Variants in CCDC60 observed in about 807,000 individuals in gnomAD.
CCDC60 encodes the protein coiled-coil domain containing 60.
In CCDC60, 54 loss-of-function variants were observed where a neutral mutation model predicts 63.5. The ratio of observed to expected loss-of-function variants is 0.85; its 90% CI spans 0.68 to 1.07. The LOEUF (loss-of-function observed/expected upper bound fraction) is 1.07, where lower values mean the gene tolerates loss of function less well. CCDC60 is among the 50% of genes least tolerant of loss of function. CCDC60 has a pLI of 0.00. For synonymous variants in CCDC60, 206 were observed against 238.8 expected, an observed-to-expected ratio of 0.86 and a Z score of 1.27; for missense variants, 651 against 684.3, an observed-to-expected ratio of 0.95 and a Z score of 0.54.
intron 1 of CCDC60, among the ~76,000 whole-genome samples, chr12:119,425,593 G>A (rs1233325298): frequency 6.6e-6 from 1 of 152,162 alleles, no homozygotes; most frequent in African/African-American, 2.4e-5. Context: ...GTTCAACAAG[G>A]CACCGTGGAA....
At chr12:119,534,721 T>C (rs1593230189) in intron 13 of CCDC60, among the ~76,000 whole-genome samples, 2 of 152,220 alleles carry the variant, frequency 1.3e-5, no homozygotes, top group Admixed American at 1.3e-4. Context: ...ATTACGTTTA[T>C]TGATTTGCAT....
At chr12:119,459,345 A>G (rs1305189441) in intron 2 of CCDC60, among the ~76,000 whole-genome samples, 1 of 152,244 alleles carries the variant, frequency 6.6e-6, no homozygotes, top group Admixed American at 6.5e-5. Context: ...TGCAAAAATT[A>G]TGACAGTGAG....
At position 119,502,714 on chromosome 12, in the gene CCDC60, T is replaced by C. The variant is rs529321358; in HGVS notation, c.649-2355T>C. The stretch of plus-strand genomic sequence containing the variant: ...CACCCCTGGATATGGAAGGCTCTTC[T>C]GAAATTGTCCCAGGCTATCCCCTAG... On this transcript the variant is annotated intron_variant, in intron 6 of 13. Transcript: ENST00000327554. 1.8e-3 allele frequency among the ~76,000 whole-genome samples: 268 copies of C among 152,276 alleles called. 1 individual carries two copies. Among genetic ancestry groups the C allele is most frequent in the Admixed American group, 4.2e-3 (64 of 15,290 alleles).
rs1484785582 is a variant in CCDC60 at position 119,420,357 on chromosome 12, GT to G, written c.91-8325del. 2.6e-5 allele frequency among the ~76,000 whole-genome samples: 4 copies of G among 152,134 alleles called. No homozygotes were observed. The highest frequency in any genetic ancestry group is 9.7e-5 in the African/African-American group (4 of 41,424). On this transcript the variant is annotated intron_variant, in intron 1 of 13. Coordinates refer to ENST00000327554, the MANE Select transcript of CCDC60 (RefSeq NM_178499.5). This position sits in a 1 kb window ranked among gnomAD's most constrained non-coding sequence, Gnocchi z 4.1. ...AACACCATAAAACCACCAAAATGGAGTATTATTCAGCTACAAAAAAAAGAGT... is the reference window on the plus strand; with the variant it reads ...AACACCATAAAACCACCAAAATGGAGATTATTCAGCTACAAAAAAAAGAGT...
intron 1 of CCDC60, among the ~76,000 whole-genome samples, chr12:119,358,677 A>G (rs57397961): frequency 8.5e-5 from 13 of 152,330 alleles, no homozygotes; most frequent in African/African-American, 3.1e-4. Flanking sequence ...TGAATATCAT[A>G]TAAATGAATA....
rs547311889 is a variant in CCDC60, at chr12:119,455,468, G to A, written c.171-16526G>A. ...GAACTGAGAGGAGAGAAGGGAAGAG[G>A]TATTGAATGACCAACAGTTGATAGT... On this transcript the variant is annotated intron_variant, in intron 2 of 13. Transcript: ENST00000327554. 2.6e-5 allele frequency among the ~76,000 whole-genome samples: 4 copies of A among 152,306 alleles called. No homozygotes were observed. The South Asian group carries it at 8.3e-4, about 32-fold the overall frequency.
rs1218952219 is a variant in CCDC60, at chr12:119,487,320, T to G, written c.450-1439T>G. ...AGCTTTTTTTTTTTTTTTTCCGAGATGAAGTCTTGCTCTGTCACCCAGGCT... is the reference window on the plus strand; with the variant it reads ...AGCTTTTTTTTTTTTTTTTCCGAGAGGAAGTCTTGCTCTGTCACCCAGGCT... On this transcript the variant is annotated intron_variant, in intron 4 of 13. Transcript: ENST00000327554. Among the ~76,000 whole-genome samples, 3 of 148,542 alleles carry G rather than the reference T, an allele frequency of 2.0e-5. No homozygotes were observed. The Admixed American group carries it at 2.0e-4, about 10-fold the overall frequency.
rs764056133 is a variant in CCDC60 at position 119,528,642 on chromosome 12, G to C, written c.1257G>C (p.Lys419Asn). Residue 419 changes from lysine (K) to asparagine (N), a missense_variant, in exon 12 of 14, where the codon AAG (lysine) becomes AAC (asparagine). Physicochemically the swap from Lys to Asn is moderately conservative, Grantham distance 94 (BLOSUM62 0). Transcript: ENST00000327554. ...MKRQEERGIQ[K>N]FRAFVLVSNF... Reference sequence around the variant, plus strand: ...GCCAAGAAGAGAGAGGTATCCAGAAGTTCCGTGCTTTTGTCCTTGTCTCAA... The same window carrying C: ...GCCAAGAAGAGAGAGGTATCCAGAACTTCCGTGCTTTTGTCCTTGTCTCAA... The C allele has an allele frequency of 5.0e-6, 8 of 1,613,818 alleles. No homozygotes were observed. The Admixed American group carries it at 1.3e-4, about 27-fold the overall frequency.
At chr12:119,462,520 T>A (rs1237882857) in intron 2 of CCDC60, among the ~76,000 whole-genome samples, 1 of 152,212 alleles carries the variant, frequency 6.6e-6, no homozygotes, top group Non-Finnish European at 1.5e-5. Context: ...AAAATTTTCT[T>A]GTTTCTAATT....
intron 3 of CCDC60, among the ~76,000 whole-genome samples, chr12:119,474,893 G>A (rs1384122644): frequency 2.6e-5 from 4 of 152,076 alleles, no homozygotes; most frequent in Non-Finnish European, 5.9e-5. Flanking sequence ...TAGAACAAGG[G>A]TTCTTGTCTA....
At chr12:119,465,056 A>G (rs960727865) in intron 2 of CCDC60, among the ~76,000 whole-genome samples, 4 of 152,236 alleles carry the variant, frequency 2.6e-5, no homozygotes, top group Non-Finnish European at 4.4e-5. Context: ...TCATGCCTGT[A>G]ATCCCAGCAC....
intron 2 of CCDC60, among the ~76,000 whole-genome samples, chr12:119,455,032 GA>G (rs1378708583): frequency 2.0e-5 from 3 of 152,226 alleles, no homozygotes; most frequent in Non-Finnish European, 4.4e-5. Flanking sequence ...AATTTTCCCA[GA>G]AGCCTCTTTA....
chr12:119,499,855 T>C (rs1951805275), intron 5 of CCDC60, among the ~76,000 whole-genome samples: 2 of 151,904 alleles, frequency 1.3e-5, no homozygotes, highest in African/African-American at 4.8e-5. Context: ...ACCACCTCCC[T>C]CCTCCACCCA....
intron 1 of CCDC60, among the ~76,000 whole-genome samples, chr12:119,406,232 T>C (rs1315989697): frequency 6.6e-6 from 1 of 151,682 alleles, no homozygotes; most frequent in African/African-American, 2.4e-5. Context: ...GTTGGGGTCT[T>C]CTTGCCTCAT....
chr12:119,354,462 C>T (rs754935028), intron 1 of CCDC60, among the ~76,000 whole-genome samples: 15 of 152,106 alleles, frequency 9.9e-5, no homozygotes, highest in Non-Finnish European at 1.9e-4. Context: ...AGCAGAAAAT[C>T]ATCGGGTGTC....
intron 2 of CCDC60, among the ~76,000 whole-genome samples, chr12:119,451,332 G>A (rs925760469): frequency 2.6e-5 from 4 of 152,182 alleles, no homozygotes; most frequent in Non-Finnish European, 5.9e-5. Context: ...CTTAAGAGGT[G>A]TGTAGGGTGA....
At chr12:119,471,942 C>T in intron 2 of CCDC60, 52 bp from the exon 3 acceptor site, 2 of 1,495,632 alleles carry the variant, frequency 1.3e-6, no homozygotes, top group Non-Finnish European at 1.8e-6. Context: ...TTCTCTCTCT[C>T]CACCCTCCCA....
At chr12:119,439,800 T>A (rs1950403616) in intron 2 of CCDC60, among the ~76,000 whole-genome samples, 1 of 152,190 alleles carries the variant, frequency 6.6e-6, no homozygotes, top group Non-Finnish European at 1.5e-5. Flanking sequence ...CAAAGAAGCC[T>A]ACTTAAATAT....
intron 13 of CCDC60, among the ~76,000 whole-genome samples, chr12:119,536,381 G>C (rs571059831): frequency 6.6e-6 from 1 of 152,136 alleles, no homozygotes; most frequent in East Asian, 1.9e-4. Context: ...TTGCCAGTCT[G>C]TGTCTTTTAA....
Sources: allele counts gnomAD v4.1 joint callset (sites outside exome capture counted in the v4.1 genomes callset), GRCh38; gene constraint gnomAD v4.1.1; non-coding constraint Gnocchi (gnomAD v3.1); transcripts MANE v1.5; gene names NCBI Gene and HGNC (gene_info 2026-07-23, HGNC 2026-07-21).